The following XDH variants were observed in gnomAD, a reference collection of about 807,000 sequenced individuals.
XDH encodes the protein xanthine dehydrogenase/oxidase.
In XDH, 138 loss-of-function variants were observed where a neutral mutation model predicts 156.1. That is an observed-to-expected ratio of 0.88 (90% CI 0.77 to 1.02). XDH has a LOEUF of 1.02. XDH is among the 50% of genes least tolerant of loss of function. The probability of loss-of-function intolerance (pLI) is 0.00; values close to 1 mark genes in which losing one functional copy is unlikely to be tolerated. For missense variants in XDH, 1,849 were observed against 1,684.9 expected, an observed-to-expected ratio of 1.10 and a Z score of -1.71; for synonymous variants, 669 against 625.7, an observed-to-expected ratio of 1.07 and a Z score of -1.03.
intron 24 of XDH, among the ~76,000 whole-genome samples, chr2:31,357,099 G>A (rs527257518): frequency 2.0e-5 from 3 of 152,136 alleles, no homozygotes; most frequent in Non-Finnish European, 4.4e-5. Context: ...AAGTAGTGCT[G>A]AGGGGAAACT....
In XDH at chr2:31,339,551, T is replaced by A. The variant is rs375290824; in HGVS notation, c.3712A>T (p.Ile1238Phe). Residue 1238 changes from isoleucine to phenylalanine, a missense_variant, in exon 34 of 36, where the codon ATT becomes TTT. Ile to Phe is a conservative substitution (Grantham distance 21, BLOSUM62 0). Transcript: ENST00000379416. ...YKIPAFGSIPIEFRVSLLRDC... is the reference protein window; with the variant it reads ...YKIPAFGSIPFEFRVSLLRDC... ...CGGAGCAGGGACACCCTGAACTCAATGGGGATGCTGCCAAATGCCGGGATC... is the reference window on the plus strand; with the variant it reads ...CGGAGCAGGGACACCCTGAACTCAAAGGGGATGCTGCCAAATGCCGGGATC... 2.4e-5 allele frequency: 39 copies of A among 1,614,034 alleles called. No homozygotes were observed. Among genetic ancestry groups the A allele is most frequent in the Non-Finnish European group, 3.1e-5 (36 of 1,180,040 alleles).
chr2:31,404,976 G>T (rs1291939384), intron 2 of XDH, among the ~76,000 whole-genome samples: 2 of 152,218 alleles, frequency 1.3e-5, no homozygotes, highest in African/African-American at 4.8e-5. Context: ...GAGAAGGAGG[G>T]TTTTGTTGAC....
chr2:31,368,514 C>T lies in XDH; in HGVS notation c.2100+27G>A, dbSNP rs376248247. ...ATCCAGGGACGGGGAGCTCACTCCT[C>T]TACACAGGCAGCCCATTCTCAGTTA... On this transcript the variant is annotated intron_variant, in intron 19 of 35. Transcript: ENST00000379416. 11 of 1,613,880 alleles carry T rather than the reference C, an allele frequency of 6.8e-6. No individual in the cohort carries two copies. The African/African-American group carries it at 1.2e-4, about 18-fold the overall frequency.
At position 31,366,913 on chromosome 2, in the gene XDH, T is replaced by C. The variant is rs1471556292; in HGVS notation, c.2279A>G (p.Glu760Gly). The stretch of plus-strand genomic sequence containing the variant: ...CTGTGTAGACACAAAGAGCTCCATC[T>C]CCCCTGCCTCGCCTTTTGGAACAGC... ...TIAVPKGEAG[E>G]MELFVSTQNT... The change falls in exon 21 of 36, where the codon GAG becomes GGG. Residue 760 changes from glutamate to glycine, a missense_variant. Transcript: ENST00000379416. The C allele has an allele frequency of 1.9e-6, 3 of 1,614,082 alleles. No homozygotes were observed. The highest frequency in any genetic ancestry group is 4.5e-5 in the East Asian group (2 of 44,896).
At chr2:31,347,749 G>T (rs1685340851) in intron 28 of XDH, 99 bp from the exon 29 acceptor site, 2 of 1,497,014 alleles carry the variant, frequency 1.3e-6, no homozygotes, top group Non-Finnish European at 1.8e-6. Flanking sequence ...TTACAGGCAA[G>T]AAAACAATTT....
intron 33 of XDH, 138 bp from the exon 34 acceptor site, chr2:31,339,815 G>T: frequency 8.8e-7 from 1 of 1,138,834 alleles, no homozygotes; most frequent in Non-Finnish European, 1.3e-6. Context: ...TGCTTACCTG[G>T]CTCCCGCCTC....
intron 23 of XDH, among the ~76,000 whole-genome samples, chr2:31,364,670 C>T (rs537060667): frequency 3.3e-5 from 5 of 152,176 alleles, no homozygotes; most frequent in Admixed American, 6.5e-5. Context: ...CACAGGAGCA[C>T]GCAAATCCTT....
rs45511600 is a variant in XDH at position 31,346,881 on chromosome 2, C to T, written c.3277-38G>A. On this transcript the variant is annotated intron_variant, in intron 29 of 35. Transcript: ENST00000379416. ...CCCCCCACACCCCAGACACATCAGTCCTCTGCATTCTGTAGCCCAGGCAAA... is the reference window on the plus strand; with the variant it reads ...CCCCCCACACCCCAGACACATCAGTTCTCTGCATTCTGTAGCCCAGGCAAA... 4.0e-3 allele frequency: 6,435 copies of T among 1,613,224 alleles called. 188 individuals carry two copies. The African/African-American group carries it at 0.068, about 17-fold the overall frequency.
At chr2:31,388,731 C>A (rs1483931509) in intron 6 of XDH, among the ~76,000 whole-genome samples, 1 of 152,156 alleles carries the variant, frequency 6.6e-6, no homozygotes, top group African/African-American at 2.4e-5. Context: ...CCAGGCTGGG[C>A]TCTCTGCAGG....
chr2:31,410,672 T>C (rs1215324608), intron 1 of XDH, among the ~76,000 whole-genome samples: 1 of 152,184 alleles, frequency 6.6e-6, no homozygotes, highest in Non-Finnish European at 1.5e-5. Context: ...GTGGTATTCC[T>C]GCCCCCCAAA....
At position 31,381,625 on chromosome 2, in the gene XDH, C is replaced by A; in HGVS notation, c.1132+8G>T. On this transcript the variant is annotated splice_region_variant and intron_variant, in intron 12 of 35. Coordinates refer to ENST00000379416, the MANE Select transcript of XDH (RefSeq NM_000379.4). ...CTTCTTCCTGGACCTCTGCTTCAGGCAGCTCACCTCTGGACACAAGTGTCA... is the reference window on the plus strand; with the variant it reads ...CTTCTTCCTGGACCTCTGCTTCAGGAAGCTCACCTCTGGACACAAGTGTCA... 6.2e-7 allele frequency: 1 copy of A among 1,613,974 alleles called. No individual in the cohort carries two copies. The highest frequency in any genetic ancestry group is 2.2e-5 in the East Asian group (1 of 44,870).
intron 24 of XDH, among the ~76,000 whole-genome samples, chr2:31,354,710 T>C (rs1008263663): frequency 3.3e-5 from 5 of 151,910 alleles, no homozygotes; most frequent in African/African-American, 4.8e-5. Flanking sequence ...AACTGAAGAA[T>C]AGAATAAGAT....
At chr2:31,400,236 C>CTTTTTTTT in intron 4 of XDH, among the ~76,000 whole-genome samples, 1 of 124,704 alleles carries the variant, frequency 8.0e-6, no homozygotes, top group Non-Finnish European at 1.6e-5. Context: ...CTGGTAACTT[C>CTTTTTTTT]TTTTTTTTTT....
At chr2:31,356,391 G>C (rs1389055667) in intron 24 of XDH, among the ~76,000 whole-genome samples, 2 of 152,186 alleles carry the variant, frequency 1.3e-5, no homozygotes, top group Non-Finnish European at 2.9e-5. Context: ...ATGTGATAAA[G>C]TTAAGGATCT....
rs2148774893 is a variant in XDH, at chr2:31,375,486, T to A, written c.1496A>T (p.Asp499Val). Reference protein sequence around the residue: ...GLAEELHLPPDAPGGMVDFRC... With the variant: ...GLAEELHLPPVAPGGMVDFRC... ...GAAGTCCACCATGCCACCAGGGGCA[T>A]CGGGAGGCAGATGCAGCTCCTCTGC... is the stretch of plus-strand genomic sequence containing the variant. The change falls in exon 15 of 36, where the codon GAT (aspartate) becomes GTT (valine). Residue 499 changes from aspartate (D) to valine (V), a missense_variant. Transcript: ENST00000379416. The A allele has an allele frequency of 1.2e-6, 2 of 1,614,116 alleles. No homozygotes were observed. Among genetic ancestry groups the A allele is most frequent in the South Asian group, 1.1e-5 (1 of 91,084 alleles).
Position 31,402,966 on chromosome 2 carries a change from C to T in XDH, c.197+82G>A, listed in dbSNP as rs540615401. ...TCACACATGCGCACATGCACATACACACATACACTCATGCACTCCCTCACA... is the reference window on the plus strand; with the variant it reads ...TCACACATGCGCACATGCACATACATACATACACTCATGCACTCCCTCACA... On this transcript the variant is annotated intron_variant, in intron 3 of 35. Transcript: ENST00000379416. 5.0e-4 allele frequency: 743 copies of T among 1,476,986 alleles called. 3 individuals are homozygous for T. In the African/African-American group the frequency reaches 9.3e-3, roughly 19 times the overall value. 91.5% of individuals were successfully genotyped at this position (1,476,986 alleles called of 1,614,324 possible).
chr2:31,347,537 A>G lies in XDH; in HGVS notation c.3261T>C (p.Asn1087=), dbSNP rs1173953772. 1 of 1,614,008 alleles carries G rather than the reference A, an allele frequency of 6.2e-7. No individual in the cohort carries two copies. Among genetic ancestry groups the G allele is most frequent in the Admixed American group, 1.7e-5 (1 of 60,026 alleles). ...GGCTCCTTACATAGACGGCCTGTCC[A>G]TTGAGGTCAGCGCTGACAGAGGCAG... ...PTAASVSADL[N]GQAVYAACQT... is the part of the protein sequence containing the mutation. The change falls in exon 29 of 36, where the codon AAT becomes AAC. Residue 1087 remains asparagine, a synonymous_variant. Coordinates refer to ENST00000379416, the MANE Select transcript of XDH (RefSeq NM_000379.4).
Position 31,370,323 on chromosome 2 carries a change from A to G in XDH, c.1980+32T>C, listed in dbSNP as rs187080515. ...AAATTAAAACTTCAATACTTATTCA[A>G]TTTACTTCATATAAAAAAATCCAAG... On this transcript the variant is annotated intron_variant, in intron 18 of 35. Transcript: ENST00000379416. 25 of 1,612,210 alleles carry G rather than the reference A, an allele frequency of 1.6e-5. No homozygotes were observed. The South Asian group carries it at 2.2e-4, about 14-fold the overall frequency.
intron 35 of XDH, 114 bp downstream of exon 35, chr2:31,337,527 C>G (rs1470118210): frequency 6.6e-7 from 1 of 1,508,060 alleles, no homozygotes; most frequent in African/African-American, 1.4e-5. Context: ...TGATGCAAGG[C>G]TGCCCGGTTA....
Sources: gnomAD v4.1 joint callset for allele counts (sites outside exome capture counted in the v4.1 genomes callset) on GRCh38, gnomAD v4.1.1 for gene constraint, MANE v1.5 for transcripts, NCBI Gene and HGNC (gene_info 2026-07-23, HGNC 2026-07-21) for gene names.